The following SNURF variants were observed in gnomAD, a reference collection of about 807,000 sequenced individuals.
The protein encoded by SNURF is SNRPN upstream open reading frame.
A neutral mutation model predicts 11.6 loss-of-function variants in SNURF; 6 were observed. The observed-to-expected ratio is 0.52, with a 90% CI of 0.28 to 1.02. The LOEUF (loss-of-function observed/expected upper bound fraction) is 1.02. Ranked by LOEUF, SNURF falls within the 50% of genes least tolerant of loss-of-function variation. The pLI is 0.09. For missense variants in SNURF, 84 were observed against 88.4 expected (o/e 0.95, Z 0.20); for synonymous variants, 29 against 31.6 (o/e 0.92, Z 0.27).
At chr15:24,958,486 G>GTTTT (rs71127030) in intron 1 of SNURF, among the ~76,000 whole-genome samples, 848 of 65,272 alleles carry the variant, frequency 0.013, 93 homozygotes, top group Middle Eastern at 0.043. Context: ...CTGGCTCAAA[G>GTTTT]TTTTTTTTTT....
chr15:24,960,226 C>G (rs975374343), intron 1 of SNURF, among the ~76,000 whole-genome samples: 31 of 152,154 alleles, frequency 2.0e-4, no homozygotes, highest in African/African-American at 7.5e-4. Context: ...ATGTTACTTT[C>G]ATGATTAACA....
chr15:24,968,905 ATTTGT>A (rs1451120770), downstream of SNURF: 1 of 151,664 alleles, frequency 6.6e-6, no homozygotes, highest in Non-Finnish European at 1.5e-5. Context: ...GTCGATTTTG[ATTTGT>A]TTTCTTGTTT....
At chr15:24,967,773 A>C (rs1385726262) in intron 2 of SNURF, among the ~76,000 whole-genome samples, 159 bp from the exon 3 acceptor site, 1 of 145,928 alleles carries the variant, frequency 6.9e-6, no homozygotes, top group Admixed American at 7.3e-5. Flanking sequence ...GCTTCATTGC[A>C]CTCCAGCCTG....
chr15:24,962,127 C>T, exon 2 of SNURF: 1 of 1,614,098 alleles, frequency 6.2e-7, no homozygotes, highest in Non-Finnish European at 8.5e-7. Flanking sequence ...TCGCTTACAC[C>T]TGAGACGAAC....
At chr15:24,957,094 A>C (rs2063059035) in intron 1 of SNURF, among the ~76,000 whole-genome samples, 1 of 151,904 alleles carries the variant, frequency 6.6e-6, no homozygotes, top group Non-Finnish European at 1.5e-5. Context: ...CCTTTTTTTT[A>C]ACTCCCTGTA....
intron 1 of SNURF, among the ~76,000 whole-genome samples, chr15:24,957,186 T>A (rs2153396439): frequency 6.6e-6 from 1 of 152,314 alleles, no homozygotes; most frequent in Non-Finnish European, 1.5e-5. Context: ...GATAGTCCAT[T>A]CTGATGCACT....
intron 1 of SNURF, 87 bp downstream of exon 1, chr15:24,955,149 G>C (rs2062628411): frequency 6.4e-7 from 1 of 1,572,112 alleles, no homozygotes; most frequent in African/African-American, 1.3e-5. Context: ...TTAGGACTTG[G>C]AGTACTGAAT....
At chr15:24,977,218 AGTTACCCAG>A (rs1361711565) in intron 6 of SNURF, among the ~76,000 whole-genome samples, 1 of 152,246 alleles carries the variant, frequency 6.6e-6, no homozygotes, top group Non-Finnish European at 1.5e-5. Flanking sequence ...GGGTGATTAA[AGTTACCCAG>A]GTTACTCTTG....
chr15:24,973,459 G>A (rs566529222), downstream of SNURF, among the ~76,000 whole-genome samples: 759 of 152,004 alleles, frequency 5.0e-3, 4 homozygotes, highest in Non-Finnish European at 8.7e-3. Flanking sequence ...GTGCAGTGGC[G>A]CGATCTCAGC....
downstream of SNURF, among the ~76,000 whole-genome samples, chr15:24,972,464 G>A (rs12050838): frequency 0.52 from 79,234 of 151,406 alleles, 22,396 homozygotes; most frequent in African/African-American, 0.75. Context: ...GATCTTTATA[G>A]GTTTTATTTA....
chr15:24,968,006 C>T (rs750271724), exon 3 of SNURF: 5 of 1,613,916 alleles, frequency 3.1e-6, no homozygotes, highest in Non-Finnish European at 4.2e-6. Context: ...CTGAGGCAGG[C>T]ATTCTTAGCT....
At position 24,958,520 on chromosome 15, in the gene SNURF, T is replaced by TA. The variant is rs1555405064; in HGVS notation, c.14+3461dup. On this transcript the variant is annotated intron_variant, in intron 1 of 2. Coordinates refer to ENST00000577949, the Ensembl canonical transcript of SNURF. ...TTTTTTTTTTTTTTTTTTTTTTTTT[T>TA]AAATAGACCAGGGTCTCCCTATGTT... Among the ~76,000 whole-genome samples the TA allele has an allele frequency of 2.6e-3, 312 of 120,690 alleles. 15 individuals carry two copies. Among genetic ancestry groups the TA allele is most frequent in the African/African-American group, 0.01 (296 of 29,230 alleles). 79.2% of individuals were successfully genotyped at this position (120,690 alleles called of 152,430 possible).
chr15:24,967,216 TC>T (rs1251668692), intron 2 of SNURF: 4 of 152,360 alleles, frequency 2.6e-5, no homozygotes, highest in Admixed American at 2.6e-4. Context: ...TGTTTTTAGT[TC>T]TTTTGGAAAT....
intron 2 of SNURF, among the ~76,000 whole-genome samples, chr15:24,965,470 A>G (rs1596262886): frequency 6.6e-6 from 1 of 152,094 alleles, no homozygotes; most frequent in South Asian, 2.1e-4. Flanking sequence ...CTGGGAGGCA[A>G]AGGTTGCAGT....
intron 1 of SNURF, among the ~76,000 whole-genome samples, chr15:24,960,821 T>G (rs2074669128): frequency 6.6e-6 from 1 of 152,156 alleles, no homozygotes; most frequent in Non-Finnish European, 1.5e-5. Context: ...ATACAAAAGC[T>G]GTAGATAGTT....
chr15:24,958,541 A>G (rs1022675301), intron 1 of SNURF, among the ~76,000 whole-genome samples: 2 of 108,746 alleles, frequency 1.8e-5, no homozygotes, highest in Admixed American at 1.4e-4. Context: ...GGGTCTCCCT[A>G]TGTTGTCCAG....
At chr15:24,972,717 G>T (rs541338758), downstream of SNURF, among the ~76,000 whole-genome samples, 2 of 152,016 alleles carry the variant, frequency 1.3e-5, no homozygotes, top group Non-Finnish European at 2.9e-5. Context: ...GGCTAGATTT[G>T]GTTGCCATAT....
chr15:24,975,679 A>G (rs969766009), intron 4 of SNURF, among the ~76,000 whole-genome samples: 1 of 152,228 alleles, frequency 6.6e-6, no homozygotes, highest in Admixed American at 6.5e-5. Flanking sequence ...CAGAGTCTGC[A>G]TCTGAACTCT....
At chr15:24,972,975 C>T (rs138148810), downstream of SNURF, among the ~76,000 whole-genome samples, 1,100 of 152,258 alleles carry the variant, frequency 7.2e-3, 18 homozygotes, top group African/African-American at 0.025. Flanking sequence ...GCAAACTCTG[C>T]CTCCTGGTTT....
Sources: allele counts gnomAD v4.1 joint callset (sites outside exome capture counted in the v4.1 genomes callset), GRCh38; gene constraint gnomAD v4.1.1; transcripts MANE v1.5; gene names NCBI Gene and HGNC (gene_info 2026-07-23, HGNC 2026-07-21).